Variants in UNC5C observed in about 807,000 individuals in gnomAD.
UNC5C encodes the protein unc-5 netrin receptor C, also known as netrin receptor UNC5C.
UNC5C carries 47 observed loss-of-function variants against 99.8 expected under a neutral mutation model. The ratio of observed to expected loss-of-function variants is 0.47; its 90% CI spans 0.37 to 0.60. UNC5C has a LOEUF of 0.60. Ranked by LOEUF, UNC5C falls within the 20% of genes least tolerant of loss-of-function variation. UNC5C has a pLI of 0.00. For missense variants in UNC5C, 1,062 were observed against 1,165.9 expected, an observed-to-expected ratio of 0.91 and a Z score of 1.30; for synonymous variants, 487 against 452.2, an observed-to-expected ratio of 1.08 and a Z score of -0.98.
intron 3 of UNC5C, among the ~76,000 whole-genome samples, chr4:95,279,260 A>C (rs1740967970): frequency 6.6e-6 from 1 of 152,198 alleles, no homozygotes; most frequent in Non-Finnish European, 1.5e-5. Context: ...ACATTTAATC[A>C]TATGGCCATT....
At chr4:95,479,263 T>G (rs1286002278) in intron 1 of UNC5C, among the ~76,000 whole-genome samples, 2 of 151,992 alleles carry the variant, frequency 1.3e-5, no homozygotes. Flanking sequence ...TCCATTAACT[T>G]TATATGTACA....
At chr4:95,482,012 A>G (rs1264697150) in intron 1 of UNC5C, among the ~76,000 whole-genome samples, 2 of 152,198 alleles carry the variant, frequency 1.3e-5, no homozygotes, top group African/African-American at 4.8e-5. Context: ...GACAAATGGG[A>G]TCTAATTAAA....
chr4:95,349,119 G>A (rs910002802), intron 1 of UNC5C, among the ~76,000 whole-genome samples: 1 of 151,224 alleles, frequency 6.6e-6, no homozygotes, highest in Admixed American at 6.6e-5. Flanking sequence ...AACCAAAAGA[G>A]TATAATTGGA....
intron 2 of UNC5C, among the ~76,000 whole-genome samples, chr4:95,321,072 C>A (rs1579322564): frequency 6.6e-6 from 1 of 152,202 alleles, no homozygotes; most frequent in South Asian, 2.1e-4. Flanking sequence ...ATGTTCTAGA[C>A]CATATGTGTG....
At chr4:95,217,263 A>C (rs1414533965) in intron 9 of UNC5C, among the ~76,000 whole-genome samples, 1 of 152,224 alleles carries the variant, frequency 6.6e-6, no homozygotes, top group Non-Finnish European at 1.5e-5. Flanking sequence ...GCCTGACCAC[A>C]CTGGAAAGTC....
intron 7 of UNC5C, among the ~76,000 whole-genome samples, chr4:95,228,917 T>C (rs1738795256): frequency 1.3e-5 from 2 of 152,056 alleles, no homozygotes; most frequent in African/African-American, 4.8e-5. Flanking sequence ...AGCAAAGAGG[T>C]GTACCAAACC....
At chr4:95,422,593 T>C (rs899604835) in intron 1 of UNC5C, among the ~76,000 whole-genome samples, 7 of 152,148 alleles carry the variant, frequency 4.6e-5, no homozygotes, top group African/African-American at 1.7e-4. Context: ...AAACTGACAA[T>C]TCTGCAACAA....
Position 95,219,248 on chromosome 4 carries a change from G to A in UNC5C, c.1366C>T (p.Leu456=), listed in dbSNP as rs765979222. 16 of 1,614,152 alleles carry A rather than the reference G, an allele frequency of 9.9e-6. No individual in the cohort carries two copies. The South Asian group carries it at 1.5e-4, about 16-fold the overall frequency. The change falls in exon 9 of 16, where the codon CTG becomes TTG. Residue 456 remains leucine (L), a synonymous_variant. Coordinates refer to ENST00000453304, the MANE Select transcript of UNC5C (RefSeq NM_003728.4). The part of the protein sequence containing the change: ...AAMYRGPVYA[L]HDVSDKIPMT... The stretch of plus-strand genomic sequence containing the variant: ...GGGATTTTGTCTGAGACGTCATGCA[G>A]GGCATAGACAGGTCCTCTGTACATG...
At chr4:95,215,570 A>G (rs980353961) in intron 10 of UNC5C, among the ~76,000 whole-genome samples, 2 of 152,064 alleles carry the variant, frequency 1.3e-5, no homozygotes, top group Non-Finnish European at 2.9e-5. Flanking sequence ...TCTAGTTTTA[A>G]TCAATCCTAG....
intron 1 of UNC5C, among the ~76,000 whole-genome samples, chr4:95,383,228 T>A (rs1248574476): frequency 6.6e-6 from 1 of 151,710 alleles, no homozygotes; most frequent in African/African-American, 2.4e-5. Context: ...AAAGGACACA[T>A]CAGTTATCTG....
intron 1 of UNC5C, among the ~76,000 whole-genome samples, chr4:95,439,674 G>A (rs544193059): frequency 6.6e-6 from 1 of 152,222 alleles, no homozygotes; most frequent in Admixed American, 6.5e-5. Flanking sequence ...GGATGTTAAT[G>A]GTGTTTTGGG....
chr4:95,428,782 G>T (rs2149459430), intron 1 of UNC5C, among the ~76,000 whole-genome samples: 1 of 152,222 alleles, frequency 6.6e-6, no homozygotes, highest in East Asian at 1.9e-4. Context: ...AAAGTCCTTT[G>T]TGATCTTCTT....
chr4:95,469,232 A>G (rs1453203747), intron 1 of UNC5C, among the ~76,000 whole-genome samples: 1 of 152,108 alleles, frequency 6.6e-6, no homozygotes, highest in African/African-American at 2.4e-5. Context: ...TTTCTTCTCA[A>G]TGATTTTCTT....
intron 1 of UNC5C, among the ~76,000 whole-genome samples, chr4:95,507,068 GA>G (rs1285613939): frequency 6.6e-6 from 1 of 151,898 alleles, no homozygotes; most frequent in Admixed American, 6.6e-5. Flanking sequence ...AGCAGAGTAG[GA>G]AGTCAACAAA....
At chr4:95,187,924 T>C (rs1486603090) in intron 12 of UNC5C, among the ~76,000 whole-genome samples, 1 of 152,168 alleles carries the variant, frequency 6.6e-6, no homozygotes, top group East Asian at 1.9e-4. Context: ...GACACACCCA[T>C]GCTTAGAGCA....
chr4:95,431,542 TAAA>T (rs57907726), intron 1 of UNC5C, among the ~76,000 whole-genome samples: 7 of 150,972 alleles, frequency 4.6e-5, no homozygotes, highest in African/African-American at 1.7e-4. Flanking sequence ...GGGTAAAGAC[TAAA>T]AAAAAATGTT....
chr4:95,306,483 T>G (rs1009723774), intron 2 of UNC5C, among the ~76,000 whole-genome samples: 1 of 152,190 alleles, frequency 6.6e-6, no homozygotes, highest in East Asian at 1.9e-4. Flanking sequence ...ATTACAGGCA[T>G]GAGCCACCAC....
chr4:95,279,375 CTGT>C (rs1222339187), intron 3 of UNC5C, among the ~76,000 whole-genome samples: 2 of 152,136 alleles, frequency 1.3e-5, no homozygotes, highest in African/African-American at 2.4e-5. Context: ...GTTTTACAAA[CTGT>C]TGTTAGATGG....
chr4:95,200,595 G>T (rs910604260), intron 12 of UNC5C, among the ~76,000 whole-genome samples: 2 of 152,130 alleles, frequency 1.3e-5, no homozygotes, highest in Non-Finnish European at 2.9e-5. Flanking sequence ...AAAATATTTA[G>T]AATTTTGCCA....
Sources: gnomAD v4.1 joint callset for allele counts (sites outside exome capture counted in the v4.1 genomes callset) on GRCh38, gnomAD v4.1.1 for gene constraint, MANE v1.5 for transcripts, NCBI Gene and HGNC (gene_info 2026-07-23, HGNC 2026-07-21) for gene names.